The following TAFA2 variants were observed in gnomAD, a reference collection of about 807,000 sequenced individuals.
TAFA2 encodes TAFA chemokine like family member 2.
In TAFA2, 7 loss-of-function variants were observed where a neutral mutation model predicts 18.8. The ratio of observed to expected loss-of-function variants is 0.37; its 90% confidence interval spans 0.21 to 0.70. The LOEUF (loss-of-function observed/expected upper bound fraction) is 0.70. Ranked by LOEUF, TAFA2 falls within the 30% of genes least tolerant of loss-of-function variation. The pLI is 0.53. For missense variants in TAFA2, 122 were observed against 158.1 expected (o/e 0.77, Z 1.23); for synonymous variants, 60 against 54.2 (o/e 1.11, Z -0.47).
chr12:62,139,658 T>G (rs1197402191), intron 1 of TAFA2, among the ~76,000 whole-genome samples: 1 of 152,170 alleles, frequency 6.6e-6, no homozygotes, highest in Admixed American at 6.6e-5. Context: ...AGCATGCATC[T>G]TAGTAACAAG....
At chr12:62,101,406 A>G (rs977978457) in intron 1 of TAFA2, among the ~76,000 whole-genome samples, 1 of 152,158 alleles carries the variant, frequency 6.6e-6, no homozygotes, top group Admixed American at 6.6e-5. Flanking sequence ...CTGGAAATAT[A>G]CACTGAATAC....
chr12:61,723,811 A>G (rs1870014297), intron 4 of TAFA2, among the ~76,000 whole-genome samples: 1 of 152,074 alleles, frequency 6.6e-6, no homozygotes, highest in South Asian at 2.1e-4. Context: ...CATTACAGTT[A>G]ATATTTCAGT....
At chr12:61,907,022 G>A (rs547500539) in intron 1 of TAFA2, among the ~76,000 whole-genome samples, 1 of 152,122 alleles carries the variant, frequency 6.6e-6, no homozygotes, top group African/African-American at 2.4e-5. Context: ...TTTGGAATTG[G>A]CACTTAGGTT....
intron 1 of TAFA2, among the ~76,000 whole-genome samples, chr12:61,990,736 C>T (rs1475714153): frequency 2.0e-5 from 3 of 152,132 alleles, no homozygotes; most frequent in Non-Finnish European, 4.4e-5. Context: ...TAGTGCTTAG[C>T]AAACAATAAA....
At chr12:62,033,020 G>A (rs1251428603) in intron 1 of TAFA2, among the ~76,000 whole-genome samples, 1 of 152,006 alleles carries the variant, frequency 6.6e-6, no homozygotes, top group African/African-American at 2.4e-5. Flanking sequence ...CCCCAGCTAA[G>A]GATCTGCCCT....
chr12:61,859,969 T>A (rs1287691954), intron 2 of TAFA2, among the ~76,000 whole-genome samples: 1 of 152,180 alleles, frequency 6.6e-6, no homozygotes, highest in Non-Finnish European at 1.5e-5. Context: ...GAGAAAAGAA[T>A]CAGGTTATGA....
chr12:61,789,600 T>A (rs548800370), intron 2 of TAFA2, among the ~76,000 whole-genome samples: 2 of 151,936 alleles, frequency 1.3e-5, no homozygotes, highest in East Asian at 3.9e-4. Flanking sequence ...AGATAATGGG[T>A]TGATGGGTGC....
At chr12:62,230,365 T>C (rs919091526) in intron 1 of TAFA2, among the ~76,000 whole-genome samples, 22 of 152,300 alleles carry the variant, frequency 1.4e-4, no homozygotes, top group Non-Finnish European at 2.9e-4. Context: ...ACTTCCCTCT[T>C]AGTACTGCTT....
chr12:62,166,149 T>G, intron 1 of TAFA2, among the ~76,000 whole-genome samples: 1 of 152,134 alleles, frequency 6.6e-6, no homozygotes, highest in East Asian at 1.9e-4. Context: ...TTTATCTATT[T>G]TTCTTTTATG....
At chr12:62,069,032 G>A (rs1282530109) in intron 1 of TAFA2, among the ~76,000 whole-genome samples, 1 of 152,076 alleles carries the variant, frequency 6.6e-6, no homozygotes, top group Admixed American at 6.6e-5. Flanking sequence ...TAGAAATAAA[G>A]AAAGCCAGCT....
chr12:61,981,928 TC>T (rs1297583882), intron 1 of TAFA2, among the ~76,000 whole-genome samples: 1 of 152,148 alleles, frequency 6.6e-6, no homozygotes, highest in Non-Finnish European at 1.5e-5. Context: ...GACCCAGCAA[TC>T]CCATTACTGG....
chr12:61,935,036 A>G (rs1232489402), intron 1 of TAFA2, among the ~76,000 whole-genome samples: 1 of 152,166 alleles, frequency 6.6e-6, no homozygotes, highest in Non-Finnish European at 1.5e-5. Context: ...GAGTACATGA[A>G]ATTACTAATT....
intron 2 of TAFA2, among the ~76,000 whole-genome samples, chr12:61,790,782 A>C (rs973591372): frequency 1.3e-5 from 2 of 151,854 alleles, no homozygotes; most frequent in Non-Finnish European, 2.9e-5. Flanking sequence ...TAAAATGCTC[A>C]TACTACCCAA....
At chr12:61,862,878 G>C (rs1260970675) in intron 2 of TAFA2, among the ~76,000 whole-genome samples, 1 of 152,030 alleles carries the variant, frequency 6.6e-6, no homozygotes, top group Non-Finnish European at 1.5e-5. Flanking sequence ...ATTTTCCAGA[G>C]CATTTATATC....
chr12:61,831,602 C>G (rs1179216701), intron 2 of TAFA2, among the ~76,000 whole-genome samples: 1 of 152,068 alleles, frequency 6.6e-6, no homozygotes, highest in Non-Finnish European at 1.5e-5. Flanking sequence ...ATTAAAAATA[C>G]TGTTTTTCTG....
intron 1 of TAFA2, among the ~76,000 whole-genome samples, chr12:62,059,053 A>G (rs1181884232): frequency 6.6e-6 from 1 of 152,074 alleles, no homozygotes; most frequent in Non-Finnish European, 1.5e-5. Context: ...CAGTGAGCCG[A>G]GATCACGGCA....
At chr12:62,140,508 G>C (rs550518975) in intron 1 of TAFA2, 5 of 152,224 alleles carry the variant, frequency 3.3e-5, no homozygotes, top group Non-Finnish European at 5.9e-5. Flanking sequence ...AGAGCTCCCT[G>C]ACAGTGATCA....
chr12:61,940,271 C>T (rs1428607687), intron 1 of TAFA2, among the ~76,000 whole-genome samples: 2 of 152,140 alleles, frequency 1.3e-5, no homozygotes, highest in Non-Finnish European at 2.9e-5. Context: ...CTGCTATTGC[C>T]ATCTTGAAAT....
At chr12:62,102,028 G>T (rs1361541308) in intron 1 of TAFA2, among the ~76,000 whole-genome samples, 1 of 152,174 alleles carries the variant, frequency 6.6e-6, no homozygotes, top group Admixed American at 6.5e-5. Flanking sequence ...GGTCTTGGAG[G>T]ACAAGTAGGA....
Sources: gnomAD v4.1 joint callset for allele counts (sites outside exome capture counted in the v4.1 genomes callset) on GRCh38, gnomAD v4.1.1 for gene constraint, MANE v1.5 for transcripts, NCBI Gene and HGNC (gene_info 2026-07-23, HGNC 2026-07-21) for gene names.